AGBL4: variants seen among roughly 807,000 people sequenced by gnomAD.
AGBL4 encodes AGBL carboxypeptidase 4.
A neutral mutation model predicts 66.4 loss-of-function variants in AGBL4; 58 were observed. The ratio of observed to expected loss-of-function variants is 0.87; its 90% confidence interval spans 0.71 to 1.09. The LOEUF is 1.09. Ranked by LOEUF, AGBL4 falls within the 50% of genes least tolerant of loss-of-function variation. AGBL4 has a pLI of 0.00. For synonymous variants in AGBL4, 234 were observed against 222.9 expected (o/e 1.05, Z -0.44); for missense variants, 579 against 631.0 (o/e 0.92, Z 0.88).
chr1:49,115,491 T>G (rs1421107399), intron 4 of AGBL4, among the ~76,000 whole-genome samples: 1 of 152,134 alleles, frequency 6.6e-6, no homozygotes, highest in African/African-American at 2.4e-5. Context: ...TAGACAAAAT[T>G]TTTAAGGCAA....
At chr1:49,572,035 T>C (rs576909831) in intron 3 of AGBL4, among the ~76,000 whole-genome samples, 34 of 152,296 alleles carry the variant, frequency 2.2e-4, no homozygotes, top group African/African-American at 7.0e-4. Flanking sequence ...TTTCTTTTTA[T>C]GCTGTGTCCT....
intron 3 of AGBL4, among the ~76,000 whole-genome samples, chr1:49,452,496 C>A (rs1299561064): frequency 3.3e-5 from 5 of 151,828 alleles, no homozygotes; most frequent in Non-Finnish European, 7.4e-5. Context: ...TCTCCCACAC[C>A]CACCTGATGA....
intron 11 of AGBL4, among the ~76,000 whole-genome samples, chr1:48,566,819 C>T (rs911699662): frequency 3.3e-5 from 5 of 152,146 alleles, no homozygotes; most frequent in East Asian, 3.9e-4. Context: ...TGCCAGCCCA[C>T]GCTTGCAAAC....
At chr1:49,746,412 G>A (rs969334356) in intron 2 of AGBL4, among the ~76,000 whole-genome samples, 9 of 151,868 alleles carry the variant, frequency 5.9e-5, no homozygotes, top group African/African-American at 1.4e-4. Flanking sequence ...ATCCTCTTCT[G>A]CATAAGTGGT....
chr1:49,431,655 TA>T (rs887479305), intron 3 of AGBL4, among the ~76,000 whole-genome samples: 1 of 152,188 alleles, frequency 6.6e-6, no homozygotes, highest in African/African-American at 2.4e-5. Context: ...TGTATTTTTT[TA>T]AAAAAATATG....
intron 4 of AGBL4, among the ~76,000 whole-genome samples, chr1:49,161,443 C>T (rs982306040): frequency 2.6e-5 from 4 of 152,186 alleles, no homozygotes; most frequent in Admixed American, 6.5e-5. Flanking sequence ...AGAAATCACC[C>T]ACCTTCTGCA....
chr1:49,320,001 C>A (rs923507543), intron 3 of AGBL4, among the ~76,000 whole-genome samples: 1 of 152,164 alleles, frequency 6.6e-6, no homozygotes, highest in Admixed American at 6.6e-5. Flanking sequence ...CCATTACAGA[C>A]GGTTCACTAC....
At chr1:48,598,997 A>G (rs1027765088) in intron 9 of AGBL4, among the ~76,000 whole-genome samples, 4 of 151,920 alleles carry the variant, frequency 2.6e-5, no homozygotes, top group African/African-American at 9.7e-5. Context: ...GGTTTTTTTA[A>G]TTTTTAAACA....
chr1:49,554,567 T>C (rs549930485), intron 3 of AGBL4, among the ~76,000 whole-genome samples: 2 of 152,330 alleles, frequency 1.3e-5, no homozygotes, highest in African/African-American at 4.8e-5. Context: ...TTAATAACAA[T>C]GTATTTTTAA....
chr1:48,801,852 G>A (rs1032455055), intron 6 of AGBL4, among the ~76,000 whole-genome samples: 1 of 151,838 alleles, frequency 6.6e-6, no homozygotes, highest in Non-Finnish European at 1.5e-5. Context: ...GGAGCTGCAC[G>A]TTTGTTAGTC....
chr1:49,134,138 A>G (rs1357000379), intron 4 of AGBL4, among the ~76,000 whole-genome samples: 1 of 152,018 alleles, frequency 6.6e-6, no homozygotes, highest in Non-Finnish European at 1.5e-5. Context: ...TTTATTAGCA[A>G]TTTTCAAAGG....
chr1:48,865,619 C>A (rs10888629), intron 6 of AGBL4, among the ~76,000 whole-genome samples: 137,287 of 152,122 alleles, frequency 0.9, 62,313 homozygotes, highest in Non-Finnish European at 0.96. Context: ...ACTTTGCTTG[C>A]ATTTGTGAAG....
chr1:49,899,266 C>T (rs1649530150), intron 1 of AGBL4, among the ~76,000 whole-genome samples: 1 of 150,760 alleles, frequency 6.6e-6, no homozygotes, highest in Non-Finnish European at 1.5e-5. Flanking sequence ...ACTATGTGTC[C>T]ACAAAAATAA....
intron 2 of AGBL4, among the ~76,000 whole-genome samples, chr1:49,760,770 C>G (rs1652247833): frequency 6.6e-6 from 1 of 152,050 alleles, no homozygotes; most frequent in Admixed American, 6.6e-5. Context: ...TAGAACCAAC[C>G]CAAATGCCCA....
Position 49,386,991 on chromosome 1 carries a change from T to C in AGBL4, c.283-141127A>G, listed in dbSNP as rs985536669. On this transcript the variant is annotated intron_variant, in intron 3 of 13. Transcript: ENST00000371839. ...AGCATTTAATACAGTAGATACTATA[T>C]AGAGGCTTCAATAAATGTTAGATTA... is the stretch of plus-strand genomic sequence containing the variant. Among the ~76,000 whole-genome samples the C allele has an allele frequency of 5.9e-5, 9 of 152,112 alleles. No individual in the cohort carries two copies. The South Asian group carries it at 1.5e-3, about 25-fold the overall frequency.
intron 3 of AGBL4, among the ~76,000 whole-genome samples, chr1:49,289,510 GA>G (rs1644494333): frequency 1.3e-5 from 2 of 152,138 alleles, no homozygotes; most frequent in Non-Finnish European, 2.9e-5. Flanking sequence ...TTGAAAGGAG[GA>G]AAAATTAGGG....
chr1:49,676,750 TC>T (rs1646586264), intron 3 of AGBL4, among the ~76,000 whole-genome samples: 1 of 152,104 alleles, frequency 6.6e-6, no homozygotes, highest in Non-Finnish European at 1.5e-5. Context: ...TTCACATCAA[TC>T]CTACATACAG....
intron 5 of AGBL4, among the ~76,000 whole-genome samples, chr1:48,892,785 A>G (rs751333969): frequency 5.9e-5 from 9 of 152,176 alleles, no homozygotes; most frequent in Non-Finnish European, 1.3e-4. Flanking sequence ...CCTTTTGCTT[A>G]GTGATTTGGG....
At chr1:49,350,634 G>T (rs1295990043) in intron 3 of AGBL4, among the ~76,000 whole-genome samples, 2 of 152,126 alleles carry the variant, frequency 1.3e-5, no homozygotes, top group Non-Finnish European at 2.9e-5. Context: ...ATTAGTTTTG[G>T]GGGAACAAGA....
Sources: allele counts gnomAD v4.1 joint callset (sites outside exome capture counted in the v4.1 genomes callset), GRCh38; gene constraint gnomAD v4.1.1; transcripts MANE v1.5; gene names NCBI Gene and HGNC (gene_info 2026-07-23, HGNC 2026-07-21).